NMNAT3: variants seen among roughly 807,000 people sequenced by gnomAD.
The protein encoded by NMNAT3 is nicotinamide nucleotide adenylyltransferase 3, also known as nicotinamide/nicotinic acid mononucleotide adenylyltransferase 3.
In NMNAT3, 21 loss-of-function variants were observed where a neutral mutation model predicts 24.8. That is an observed-to-expected ratio of 0.85 (90% CI 0.60 to 1.22). NMNAT3 has a LOEUF of 1.22. Among genes scored for constraint, NMNAT3 ranks in the 50% most tolerant of loss-of-function variants. NMNAT3 has a pLI of 0.00. For missense variants in NMNAT3, 387 were observed against 436.6 expected, an observed-to-expected ratio of 0.89 and a Z score of 1.01; for synonymous variants, 136 against 155.2, an observed-to-expected ratio of 0.88 and a Z score of 0.92.
In NMNAT3 at chr3:139,617,048, C is replaced by T. The variant is rs560992130; in HGVS notation, c.109+10568G>A. ...TTCTGAATCCCCTGACTCCAGCGAA[C>T]TTCACCTTTAACTTAAGAAGTACCT... On this transcript the variant is annotated intron_variant, in intron 3 of 6. Transcript: ENST00000643695. Among the ~76,000 whole-genome samples the T allele has an allele frequency of 2.0e-5, 3 of 152,330 alleles. No individual in the cohort carries two copies. In the South Asian group the frequency reaches 6.2e-4, roughly 32 times the overall value.
At chr3:139,623,012 T>C (rs1384806197) in intron 3 of NMNAT3, among the ~76,000 whole-genome samples, 2 of 151,190 alleles carry the variant, frequency 1.3e-5, no homozygotes, top group Non-Finnish European at 2.9e-5. Flanking sequence ...TTATTTAAAC[T>C]ACGCTAAATT....
chr3:139,668,956 A>G (rs2057669512), intron 1 of NMNAT3, among the ~76,000 whole-genome samples: 1 of 152,232 alleles, frequency 6.6e-6, no homozygotes, highest in Admixed American at 6.5e-5. Flanking sequence ...ACACAAATCT[A>G]AAATGCCCAG....
chr3:139,633,220 G>A (rs1465148167), intron 2 of NMNAT3, among the ~76,000 whole-genome samples: 1 of 146,748 alleles, frequency 6.8e-6, no homozygotes, highest in East Asian at 2.0e-4. Flanking sequence ...TGCTCTTGTT[G>A]CCCAGGCTGG....
intron 1 of NMNAT3, among the ~76,000 whole-genome samples, chr3:139,667,966 T>C (rs1318486106): frequency 6.6e-6 from 1 of 152,168 alleles, no homozygotes; most frequent in Non-Finnish European, 1.5e-5. Flanking sequence ...ATGTCTGGGT[T>C]ATAGGGAAAG....
At chr3:139,674,038 A>G (rs1417066442) in intron 1 of NMNAT3, among the ~76,000 whole-genome samples, 1 of 152,146 alleles carries the variant, frequency 6.6e-6, no homozygotes, top group Non-Finnish European at 1.5e-5. Context: ...AGCTCTGGCC[A>G]GAGGCAGGGA....
chr3:139,616,298 T>C (rs2055499356), intron 3 of NMNAT3, among the ~76,000 whole-genome samples: 1 of 152,210 alleles, frequency 6.6e-6, no homozygotes, highest in Non-Finnish European at 1.5e-5. Context: ...CTTTTCTGTC[T>C]TCTGTGACAG....
At chr3:139,621,620 C>G (rs1559919739) in intron 3 of NMNAT3, among the ~76,000 whole-genome samples, 1 of 152,204 alleles carries the variant, frequency 6.6e-6, no homozygotes, top group Non-Finnish European at 1.5e-5. Flanking sequence ...GATCCACCCA[C>G]CTTGGCCTCC....
At chr3:139,667,174 A>T (rs886316533) in intron 1 of NMNAT3, among the ~76,000 whole-genome samples, 1 of 152,224 alleles carries the variant, frequency 6.6e-6, no homozygotes, top group African/African-American at 2.4e-5. Flanking sequence ...AGGAACTTCC[A>T]TACTGCTCTT....
intron 5 of NMNAT3, chr3:139,575,596 G>C: frequency 9.9e-7 from 1 of 1,007,184 alleles, no homozygotes; most frequent in Non-Finnish European, 1.2e-6. Context: ...GAAGGTCCTA[G>C]TTCAGGTTGA....
intron 1 of NMNAT3, among the ~76,000 whole-genome samples, chr3:139,666,478 C>T (rs1173076187): frequency 7.9e-5 from 12 of 152,172 alleles, no homozygotes; most frequent in Admixed American, 7.9e-4. Flanking sequence ...TGTGTTAATA[C>T]ATAATAATTG....
At chr3:139,618,842 A>G (rs922605026) in intron 3 of NMNAT3, among the ~76,000 whole-genome samples, 4 of 152,186 alleles carry the variant, frequency 2.6e-5, no homozygotes, top group Non-Finnish European at 4.4e-5. Context: ...CTGGCTGTGC[A>G]GAGAAGGAAA....
At chr3:139,591,728 G>T (rs1338751914) in intron 3 of NMNAT3, among the ~76,000 whole-genome samples, 2 of 152,118 alleles carry the variant, frequency 1.3e-5, no homozygotes, top group Non-Finnish European at 2.9e-5. Context: ...TCACAAGGCC[G>T]GGTACTCCAA....
chr3:139,633,346 A>G (rs543082286), intron 2 of NMNAT3, among the ~76,000 whole-genome samples: 2 of 151,880 alleles, frequency 1.3e-5, no homozygotes, highest in Admixed American at 1.3e-4. Flanking sequence ...GTGCCCTGCT[A>G]ATTTTGTATT....
At chr3:139,585,971 C>CT (rs2053922161) in intron 3 of NMNAT3, among the ~76,000 whole-genome samples, 2 of 152,212 alleles carry the variant, frequency 1.3e-5, no homozygotes, top group South Asian at 4.1e-4. Flanking sequence ...ACTTGCATGG[C>CT]TGCTGATTCA....
chr3:139,615,027 T>G (rs2055419867), intron 3 of NMNAT3, among the ~76,000 whole-genome samples: 1 of 152,228 alleles, frequency 6.6e-6, no homozygotes, highest in Admixed American at 6.5e-5. Flanking sequence ...TATTTATTGG[T>G]TTTAAATCAG....
intron 3 of NMNAT3, among the ~76,000 whole-genome samples, chr3:139,625,887 G>A (rs559264982): frequency 4.5e-4 from 69 of 152,124 alleles, no homozygotes; most frequent in Non-Finnish European, 6.6e-4. Context: ...CTTTGCTTTC[G>A]TTTTTGAAAG....
At chr3:139,657,817 T>TG (rs910020947) in intron 1 of NMNAT3, among the ~76,000 whole-genome samples, 7 of 144,434 alleles carry the variant, frequency 4.8e-5, no homozygotes, top group African/African-American at 1.8e-4. Context: ...GGTTTTGCTG[T>TG]GGGGGGTATC....
chr3:139,646,974 T>C (rs886735665), intron 1 of NMNAT3, among the ~76,000 whole-genome samples: 3 of 152,240 alleles, frequency 2.0e-5, no homozygotes, highest in Non-Finnish European at 2.9e-5. Flanking sequence ...GCACAATTCT[T>C]TATTTTGAAC....
chr3:139,561,544 T>C (rs1238734903), intron 6 of NMNAT3, 152 bp from the exon 7 acceptor site: 1 of 694,202 alleles, frequency 1.4e-6, no homozygotes, highest in African/African-American at 1.8e-5. Flanking sequence ...AGCATGTAAA[T>C]GAATCTGCAG....
Sources: allele counts gnomAD v4.1 joint callset (sites outside exome capture counted in the v4.1 genomes callset), GRCh38; gene constraint gnomAD v4.1.1; transcripts MANE v1.5; gene names NCBI Gene and HGNC (gene_info 2026-07-23, HGNC 2026-07-21).